The following SYNPR variants were observed in gnomAD, a reference collection of about 807,000 sequenced individuals.
SYNPR encodes the protein synaptoporin.
A neutral mutation model predicts 32.9 loss-of-function variants in SYNPR; 23 were observed. That is an observed-to-expected ratio of 0.70 (90% CI 0.50 to 0.99). The LOEUF (loss-of-function observed/expected upper bound fraction) is 0.99, where lower values mean the gene tolerates loss of function less well. SYNPR is among the 50% of genes least tolerant of loss of function. The pLI, the probability that SYNPR is intolerant of heterozygous loss-of-function variation, is 0.00. For synonymous variants in SYNPR, 146 were observed against 135.9 expected (o/e 1.07, Z -0.52); for missense variants, 318 against 349.3 (o/e 0.91, Z 0.71).
At chr3:63,455,247 T>C (rs1283501422) in intron 2 of SYNPR, among the ~76,000 whole-genome samples, 1 of 152,078 alleles carries the variant, frequency 6.6e-6, no homozygotes, top group Non-Finnish European at 1.5e-5. Context: ...GACAAAAATA[T>C]CATTTCTAAT....
At chr3:63,562,349 C>T (rs1016280831) in intron 4 of SYNPR, among the ~76,000 whole-genome samples, 3 of 152,058 alleles carry the variant, frequency 2.0e-5, no homozygotes, top group Non-Finnish European at 4.4e-5. Context: ...TAATAAATAC[C>T]ATCTCATGTT....
chr3:63,239,791 C>T (rs1181299054), intron 1 of SYNPR, among the ~76,000 whole-genome samples: 1 of 151,654 alleles, frequency 6.6e-6, no homozygotes, highest in Non-Finnish European at 1.5e-5. Flanking sequence ...GTATGTCACA[C>T]ACCCATCCTA....
intron 2 of SYNPR, among the ~76,000 whole-genome samples, chr3:63,253,215 T>C (rs1287679066): frequency 6.6e-6 from 1 of 151,998 alleles, no homozygotes; most frequent in East Asian, 1.9e-4. Flanking sequence ...TAATAGCAGC[T>C]AAAGGCCATT....
intron 3 of SYNPR, among the ~76,000 whole-genome samples, chr3:63,506,184 C>T (rs767630659): frequency 6.6e-6 from 1 of 151,836 alleles, no homozygotes; most frequent in Admixed American, 6.6e-5. Flanking sequence ...CTTTCCTTCT[C>T]CTGACTTAGC....
chr3:63,565,244 C>T (rs961251839), intron 4 of SYNPR, among the ~76,000 whole-genome samples: 6 of 152,144 alleles, frequency 3.9e-5, no homozygotes, highest in East Asian at 1.9e-4. Context: ...TTGCCCCTGA[C>T]TCAACCCCCT....
At chr3:63,514,164 G>A (rs1345565196) in intron 3 of SYNPR, among the ~76,000 whole-genome samples, 3 of 152,168 alleles carry the variant, frequency 2.0e-5, no homozygotes, top group Non-Finnish European at 4.4e-5. Flanking sequence ...ACACAAATGT[G>A]TTTGGTGCAT....
rs1404698578 is a variant in SYNPR, at chr3:63,569,013, C to A, written c.408+12272C>A. 1.3e-5 allele frequency among the ~76,000 whole-genome samples: 2 copies of A among 152,100 alleles called. 1 individual carries two copies. On this transcript the variant is annotated intron_variant, in intron 4 of 5. Transcript: ENST00000478300. Reference sequence around the variant, plus strand: ...TTAGGTGTTAAGCAGATGGTAGATGCTTAGTAACAGTTTATTTATCTATTC... The same window carrying A: ...TTAGGTGTTAAGCAGATGGTAGATGATTAGTAACAGTTTATTTATCTATTC...
At chr3:63,456,191 C>T (rs1358495680) in intron 2 of SYNPR, among the ~76,000 whole-genome samples, 1 of 152,024 alleles carries the variant, frequency 6.6e-6, no homozygotes, top group Non-Finnish European at 1.5e-5. Flanking sequence ...TGGGTCCTTC[C>T]CACAGCTTGT....
chr3:63,350,213 TACACACACAC>T (rs67609911), intron 2 of SYNPR, among the ~76,000 whole-genome samples: 15 of 144,824 alleles, frequency 1.0e-4, no homozygotes, highest in Admixed American at 4.8e-4. Context: ...AATATTATTC[TACACACACAC>T]ACACACACAC....
At chr3:63,261,028 A>T (rs2086433030) in intron 2 of SYNPR, among the ~76,000 whole-genome samples, 1 of 152,218 alleles carries the variant, frequency 6.6e-6, no homozygotes, top group African/African-American at 2.4e-5. Flanking sequence ...ACCATCTCAC[A>T]CCACTTAGAA....
upstream of SYNPR, among the ~76,000 whole-genome samples, chr3:63,275,906 C>T (rs767152566): frequency 1.4e-4 from 22 of 152,088 alleles, no homozygotes; most frequent in African/African-American, 3.6e-4. Flanking sequence ...TGAGATCATA[C>T]GAACCTAGGG....
chr3:63,430,652 T>C (rs543013112), intron 2 of SYNPR, among the ~76,000 whole-genome samples: 3 of 152,278 alleles, frequency 2.0e-5, no homozygotes, highest in African/African-American at 7.2e-5. Context: ...GTTTATTATA[T>C]AGACAATGTG....
chr3:63,443,300 T>A (rs1700214709), intron 2 of SYNPR: 1 of 1,481,504 alleles, frequency 6.7e-7, no homozygotes, highest in Admixed American at 2.5e-5. Context: ...ACTTTCCCTC[T>A]GCATTGATTT....
intron 3 of SYNPR, among the ~76,000 whole-genome samples, chr3:63,523,071 G>T (rs1342840338): frequency 1.3e-5 from 2 of 152,250 alleles, no homozygotes; most frequent in East Asian, 3.9e-4. Context: ...GACCCCTTCA[G>T]CATATATTTT....
intron 2 of SYNPR, among the ~76,000 whole-genome samples, chr3:63,263,262 C>A (rs2086454197): frequency 6.6e-6 from 1 of 152,194 alleles, no homozygotes; most frequent in African/African-American, 2.4e-5. Flanking sequence ...CATCTGTCAG[C>A]CACTTGGACC....
At chr3:63,245,924 T>C (rs1039769683) in intron 1 of SYNPR, among the ~76,000 whole-genome samples, 1 of 152,066 alleles carries the variant, frequency 6.6e-6, no homozygotes, top group Non-Finnish European at 1.5e-5. Context: ...GTAATTTAAT[T>C]ATCCTGTATA....
At chr3:63,608,427 C>T (rs1018158455) in intron 4 of SYNPR, among the ~76,000 whole-genome samples, 1 of 152,164 alleles carries the variant, frequency 6.6e-6, no homozygotes, top group Non-Finnish European at 1.5e-5. Context: ...AGAATACTGT[C>T]TAATATGATT....
intron 4 of SYNPR, among the ~76,000 whole-genome samples, chr3:63,560,653 G>A (rs115602815): frequency 0.022 from 3,296 of 152,222 alleles, 124 homozygotes; most frequent in African/African-American, 0.074. Context: ...CCGTATGGCT[G>A]GGGAGGCCTC....
chr3:63,438,333 C>A (rs1700118999), intron 2 of SYNPR, among the ~76,000 whole-genome samples: 1 of 152,156 alleles, frequency 6.6e-6, no homozygotes, highest in Admixed American at 6.5e-5. Flanking sequence ...CTACTTTCAG[C>A]TTCAGTGTAG....
Sources: gnomAD v4.1 joint callset for allele counts (sites outside exome capture counted in the v4.1 genomes callset) on GRCh38, gnomAD v4.1.1 for gene constraint, MANE v1.5 for transcripts, NCBI Gene and HGNC (gene_info 2026-07-23, HGNC 2026-07-21) for gene names.